The following CCSER1 variants were observed in gnomAD, a reference collection of about 807,000 sequenced individuals.
CCSER1 encodes serine-rich coiled-coil domain-containing protein 1.
Under a neutral mutation model 82.0 loss-of-function variants are expected in CCSER1, and 41 were observed. The ratio of observed to expected loss-of-function variants is 0.50; its 90% CI spans 0.39 to 0.65. The LOEUF is 0.65. Among genes scored for constraint, CCSER1 ranks in the 30% least tolerant of loss-of-function variants. The pLI is 0.00. For missense variants in CCSER1, 1,119 were observed against 1,064.2 expected (o/e 1.05, Z -0.72); for synonymous variants, 414 against 383.9 (o/e 1.08, Z -0.92).
chr4:91,202,383 G>A (rs1247642389), intron 10 of CCSER1, among the ~76,000 whole-genome samples: 1 of 151,850 alleles, frequency 6.6e-6, no homozygotes, highest in Non-Finnish European at 1.5e-5. Context: ...TTAGAATCAT[G>A]GCCACTCCTT....
chr4:91,073,796 A>G (rs772462460), intron 9 of CCSER1, among the ~76,000 whole-genome samples: 6 of 152,122 alleles, frequency 3.9e-5, no homozygotes, highest in Non-Finnish European at 8.8e-5. Flanking sequence ...CAGAGTAAGA[A>G]CCTGTAAAAG....
chr4:90,168,376 C>T (rs1730933689), intron 1 of CCSER1, among the ~76,000 whole-genome samples: 1 of 151,958 alleles, frequency 6.6e-6, no homozygotes, highest in Admixed American at 6.6e-5. Flanking sequence ...TGGATATTAG[C>T]CCTTTGTCAG....
At chr4:91,089,089 A>C (rs887089634) in intron 10 of CCSER1, among the ~76,000 whole-genome samples, 3 of 152,206 alleles carry the variant, frequency 2.0e-5, no homozygotes, top group African/African-American at 7.2e-5. Context: ...GCAGACTAGC[A>C]TCCTAAAATC....
chr4:91,059,636 C>CACACAA (rs1238116578), intron 9 of CCSER1, among the ~76,000 whole-genome samples: 2 of 151,782 alleles, frequency 1.3e-5, no homozygotes, highest in Non-Finnish European at 2.9e-5. Flanking sequence ...CAAACACACA[C>CACACAA]ACACAAACAC....
intron 10 of CCSER1, among the ~76,000 whole-genome samples, chr4:91,565,671 G>C (rs1762855758): frequency 1.3e-5 from 2 of 152,114 alleles, no homozygotes; most frequent in East Asian, 3.9e-4. Flanking sequence ...ATTGTGAATG[G>C]GATTGCCTTT....
intron 6 of CCSER1, among the ~76,000 whole-genome samples, chr4:90,707,604 A>G (rs542136526): frequency 1.3e-5 from 2 of 151,972 alleles, no homozygotes; most frequent in East Asian, 3.9e-4. Flanking sequence ...ACTTTGTCCA[A>G]ACATCCATTA....
At chr4:91,586,615 TAGAG>T (rs1205754179) in intron 10 of CCSER1, among the ~76,000 whole-genome samples, 9 of 151,704 alleles carry the variant, frequency 5.9e-5, no homozygotes, top group Non-Finnish European at 1.2e-4. Flanking sequence ...CTTGACAACT[TAGAG>T]ATTTTCAAGA....
chr4:91,257,189 G>A (rs928238454), intron 10 of CCSER1, among the ~76,000 whole-genome samples: 1 of 152,074 alleles, frequency 6.6e-6, no homozygotes, highest in African/African-American at 2.4e-5. Flanking sequence ...ATTAGCATAT[G>A]TTTAGATATG....
chr4:91,129,794 G>A (rs1043287538), intron 10 of CCSER1: 33 of 152,122 alleles, frequency 2.2e-4, no homozygotes, highest in African/African-American at 7.7e-4. Flanking sequence ...ACAGTAATAT[G>A]CTGGTGTTTA....
intron 1 of CCSER1, among the ~76,000 whole-genome samples, chr4:90,170,364 T>C (rs969635954): frequency 6.6e-6 from 1 of 151,950 alleles, no homozygotes; most frequent in Admixed American, 6.6e-5. Flanking sequence ...CCTTGAAATA[T>C]CTTTTAATTC....
chr4:90,409,479 C>T (rs954978102), intron 4 of CCSER1, among the ~76,000 whole-genome samples: 2 of 152,194 alleles, frequency 1.3e-5, no homozygotes, highest in Non-Finnish European at 2.9e-5. Flanking sequence ...CAATATTCAA[C>T]ATTCTTAAAG....
chr4:90,947,690 TCAA>T (rs1221697427), intron 9 of CCSER1, among the ~76,000 whole-genome samples: 2 of 152,162 alleles, frequency 1.3e-5, no homozygotes, highest in African/African-American at 4.8e-5. Flanking sequence ...CAGTGTTATT[TCAA>T]CAACACTTTT....
At chr4:90,546,806 A>G (rs1020334941) in intron 5 of CCSER1, among the ~76,000 whole-genome samples, 1 of 152,134 alleles carries the variant, frequency 6.6e-6, no homozygotes, top group Non-Finnish European at 1.5e-5. Flanking sequence ...AGAAGACACA[A>G]AACATGTATA....
intron 10 of CCSER1, among the ~76,000 whole-genome samples, chr4:91,451,190 T>C (rs879769765): frequency 1.3e-5 from 2 of 152,002 alleles, no homozygotes; most frequent in Non-Finnish European, 2.9e-5. Flanking sequence ...TGAGGCCTTA[T>C]GCTCATGACC....
At chr4:90,274,412 G>A (rs144366711) in intron 1 of CCSER1, among the ~76,000 whole-genome samples, 1 of 151,920 alleles carries the variant, frequency 6.6e-6, no homozygotes, top group African/African-American at 2.4e-5. Flanking sequence ...TTATCACTTT[G>A]TCATTTTGTT....
intron 10 of CCSER1, among the ~76,000 whole-genome samples, chr4:91,403,575 A>T (rs1002427762): frequency 6.6e-6 from 1 of 152,122 alleles, no homozygotes; most frequent in African/African-American, 2.4e-5. Context: ...TCCCATCGAT[A>T]CCTAATTTAT....
At chr4:91,170,852 C>T (rs1333511164) in intron 10 of CCSER1, among the ~76,000 whole-genome samples, 2 of 152,196 alleles carry the variant, frequency 1.3e-5, no homozygotes, top group Non-Finnish European at 2.9e-5. Context: ...TCTAAGGCAG[C>T]TGCTGATACT....
chr4:90,822,300 T>G (rs1759842367), intron 8 of CCSER1, among the ~76,000 whole-genome samples: 1 of 152,232 alleles, frequency 6.6e-6, no homozygotes, highest in Admixed American at 6.5e-5. Flanking sequence ...AAATGTAAGT[T>G]GTCAGCAGTT....
chr4:90,713,161 A>G (rs1165963605), intron 6 of CCSER1, among the ~76,000 whole-genome samples: 1 of 152,004 alleles, frequency 6.6e-6, no homozygotes, highest in South Asian at 2.1e-4. Flanking sequence ...TAATACCGTT[A>G]TGTGTGAATT....
Sources: allele counts gnomAD v4.1 joint callset (sites outside exome capture counted in the v4.1 genomes callset), GRCh38; gene constraint gnomAD v4.1.1; transcripts MANE v1.5; gene names NCBI Gene and HGNC (gene_info 2026-07-23, HGNC 2026-07-21).